USH2A: variants seen among roughly 807,000 people sequenced by gnomAD.
The protein encoded by USH2A is Usher syndrome 2A (autosomal recessive, mild).
In USH2A, 443 loss-of-function variants were observed where a neutral mutation model predicts 538.9. That is an observed-to-expected ratio of 0.82 (90% CI 0.76 to 0.89). USH2A has a LOEUF of 0.89. Ranked by LOEUF, USH2A falls within the 40% of genes least tolerant of loss-of-function variation. The pLI, the probability that USH2A is intolerant of heterozygous loss-of-function variation, is 0.00. For missense variants in USH2A, 6,633 were observed against 6,324.8 expected (o/e 1.05, Z -1.65); for synonymous variants, 2,413 against 2,273.5 (o/e 1.06, Z -1.75).
chr1:215,899,952 G>T (rs1005192437), intron 40 of USH2A, 123 bp downstream of exon 40: 3 of 1,418,174 alleles, frequency 2.1e-6, no homozygotes, highest in South Asian at 1.2e-5. Context: ...CCCTAGAAAA[G>T]GTTATTGTCA....
intron 37 of USH2A, among the ~76,000 whole-genome samples, chr1:215,935,237 G>A (rs983840837): frequency 1.3e-5 from 2 of 151,786 alleles, no homozygotes; most frequent in African/African-American, 2.4e-5. Context: ...AAATAGAATT[G>A]TTCTGGATAT....
intron 4 of USH2A, 111 bp from the exon 5 acceptor site, chr1:216,327,765 T>C: frequency 1.5e-6 from 2 of 1,322,974 alleles, no homozygotes; most frequent in Non-Finnish European, 2.2e-6. Context: ...AAGATATTTA[T>C]GTCACTGCCC....
At chr1:215,945,002 A>C (rs1257015569) in intron 37 of USH2A, among the ~76,000 whole-genome samples, 1 of 152,124 alleles carries the variant, frequency 6.6e-6, no homozygotes, top group Non-Finnish European at 1.5e-5. Flanking sequence ...GCCTTATTCT[A>C]AGTATCAAAT....
chr1:215,961,996 G>A (rs548934187), intron 37 of USH2A, among the ~76,000 whole-genome samples: 1 of 152,026 alleles, frequency 6.6e-6, no homozygotes, highest in East Asian at 1.9e-4. Flanking sequence ...CTGTAAAAAT[G>A]TGGGCAAAAG....
chr1:216,029,481 T>C (rs1010940464), intron 32 of USH2A, among the ~76,000 whole-genome samples: 3 of 152,076 alleles, frequency 2.0e-5, no homozygotes, highest in Non-Finnish European at 4.4e-5. Flanking sequence ...TTATGTTACA[T>C]ATGTGTGTGT....
intron 49 of USH2A, among the ~76,000 whole-genome samples, chr1:215,804,883 C>A (rs555925885): frequency 1.4e-4 from 21 of 152,188 alleles, no homozygotes; most frequent in African/African-American, 5.1e-4. Context: ...TGGAACCAAC[C>A]CAAATGTCCA....
At chr1:215,922,920 G>A (rs1191428472) in intron 38 of USH2A, among the ~76,000 whole-genome samples, 1 of 152,058 alleles carries the variant, frequency 6.6e-6, no homozygotes. Flanking sequence ...AAATAGTGGA[G>A]AAACAGCTCA....
intron 61 of USH2A, among the ~76,000 whole-genome samples, chr1:215,687,536 G>C (rs1658470764): frequency 6.6e-6 from 1 of 151,952 alleles, no homozygotes; most frequent in Admixed American, 6.6e-5. Context: ...TGATGCTTCA[G>C]TTACCATAAA....
In USH2A at chr1:215,888,789, G is replaced by A; in HGVS notation, c.7860C>T (p.Leu2620=). The A allele has an allele frequency of 6.2e-7, 1 of 1,614,118 alleles. No homozygotes were observed. The highest frequency in any genetic ancestry group is 8.5e-7 in the Non-Finnish European group (1 of 1,180,002). Residue 2620 remains leucine, a synonymous_variant, in exon 41 of 72, where the codon CTC becomes CTT. Transcript: ENST00000307340. The stretch of plus-strand genomic sequence containing the variant: ...TTGGGATCCCTTCCGGTGCCCCTGG[G>A]AGTGTCCATACAGTCTGGGACTCTG... The part of the protein sequence containing the change: ...LSPESQTVWT[L]PGAPEGIPSP...
At chr1:215,959,999 G>C (rs184370706) in intron 37 of USH2A, among the ~76,000 whole-genome samples, 1 of 152,274 alleles carries the variant, frequency 6.6e-6, no homozygotes, top group Non-Finnish European at 1.5e-5. Flanking sequence ...TGTGTACTAA[G>C]ACATGGCATT....
chr1:215,626,420 T>C (rs1656027090), intron 71 of USH2A, among the ~76,000 whole-genome samples: 1 of 151,870 alleles, frequency 6.6e-6, no homozygotes. Flanking sequence ...TATATACATA[T>C]ATATACACAC....
At position 216,323,398 on chromosome 1, in the gene USH2A, G is replaced by A. The variant is rs1233983458; in HGVS notation, c.1550+76C>T. 3 of 1,428,042 alleles carry A rather than the reference G, an allele frequency of 2.1e-6. No homozygotes were observed. The African/African-American group carries it at 4.2e-5, about 20-fold the overall frequency. The allele number at this position is 1,428,042 out of a possible 1,614,324, so 88.5% of individuals were successfully genotyped here. On this transcript the variant is annotated intron_variant, in intron 8 of 71. Transcript: ENST00000307340. ...AAATGTAAAGCTTGAAATCTGGCTT[G>A]CTCTGACATCTTAATGTGCTGTTAA...
At chr1:215,669,600 T>C (rs1268691949) in intron 64 of USH2A, among the ~76,000 whole-genome samples, 1 of 152,194 alleles carries the variant, frequency 6.6e-6, no homozygotes, top group Non-Finnish European at 1.5e-5. Context: ...GATAAATAAA[T>C]ACTGTAAATA....
chr1:215,650,901 AG>A, intron 64 of USH2A, 100 bp from the exon 65 acceptor site: 1 of 1,325,928 alleles, frequency 7.5e-7, no homozygotes, highest in Non-Finnish European at 1.1e-6. Context: ...GGCAACCAAA[AG>A]CAACTAAACA....
chr1:216,315,102 A>G (rs2037482555), intron 9 of USH2A, among the ~76,000 whole-genome samples: 1 of 152,222 alleles, frequency 6.6e-6, no homozygotes, highest in Admixed American at 6.5e-5. Context: ...AGAAAGTACT[A>G]GATAAGAAAA....
chr1:216,174,418 A>G (rs2034332375), intron 21 of USH2A: 1 of 985,288 alleles, frequency 1.0e-6, no homozygotes, highest in African/African-American at 1.7e-5. Context: ...CACAGAGGTC[A>G]TGGGACTTCC....
chr1:216,196,834 A>G (rs951259834), intron 18 of USH2A, 112 bp from the exon 19 acceptor site: 2 of 1,304,634 alleles, frequency 1.5e-6, no homozygotes, highest in East Asian at 2.5e-5. Flanking sequence ...ACCTTTTAAA[A>G]TATTCTGCTT....
At chr1:215,933,209 G>A (rs1222968048) in intron 38 of USH2A, among the ~76,000 whole-genome samples, 2 of 151,842 alleles carry the variant, frequency 1.3e-5, no homozygotes, top group African/African-American at 4.8e-5. Flanking sequence ...TTTGAGTAAA[G>A]GATATTATAT....
chr1:215,731,043 A>G (rs990417928), intron 60 of USH2A, among the ~76,000 whole-genome samples: 1 of 152,156 alleles, frequency 6.6e-6, no homozygotes, highest in Non-Finnish European at 1.5e-5. Context: ...AACATTTTCT[A>G]TTTTGTCTAG....
Sources: allele counts gnomAD v4.1 joint callset (sites outside exome capture counted in the v4.1 genomes callset), GRCh38; gene constraint gnomAD v4.1.1; transcripts MANE v1.5; gene names NCBI Gene and HGNC (gene_info 2026-07-23, HGNC 2026-07-21).